The following RMDN2 variants were observed in gnomAD, a reference collection of about 807,000 sequenced individuals.
The protein encoded by RMDN2 is regulator of microtubule dynamics 2.
In RMDN2, 61 loss-of-function variants were observed where a neutral mutation model predicts 52.8. The ratio of observed to expected loss-of-function variants is 1.16; its 90% CI spans 0.94 to 1.43. The LOEUF is 1.43. RMDN2 is among the 40% of genes most tolerant of loss of function. The probability of loss-of-function intolerance (pLI) is 0.00; values close to 1 mark genes in which losing one functional copy is unlikely to be tolerated. For synonymous variants in RMDN2, 180 were observed against 153.1 expected (o/e 1.18, Z -1.30); for missense variants, 592 against 475.3 (o/e 1.25, Z -2.28).
At chr2:37,977,434 A>C (rs1275437863) in intron 4 of RMDN2, among the ~76,000 whole-genome samples, 4 of 129,718 alleles carry the variant, frequency 3.1e-5, no homozygotes, top group Admixed American at 7.8e-5. Context: ...AGGCGCCCCC[A>C]CCTCCCAGAC....
intron 2 of RMDN2, among the ~76,000 whole-genome samples, chr2:37,958,245 A>G (rs1389323209): frequency 1.3e-5 from 2 of 152,170 alleles, no homozygotes; most frequent in Non-Finnish European, 2.9e-5. Flanking sequence ...CAGTATGGCC[A>G]TTTTCACAAT....
chr2:37,956,866 T>C (rs1256344782), intron 2 of RMDN2, among the ~76,000 whole-genome samples: 2 of 152,002 alleles, frequency 1.3e-5, no homozygotes, highest in African/African-American at 4.8e-5. Context: ...CCATGTGTTC[T>C]CATTGTTCAA....
intron 2 of RMDN2, among the ~76,000 whole-genome samples, chr2:37,969,699 C>T (rs1425715019): frequency 6.6e-6 from 1 of 151,930 alleles, no homozygotes; most frequent in African/African-American, 2.4e-5. Flanking sequence ...ACTTCCAGTA[C>T]AATGTTGAAT....
chr2:37,935,547 A>C (rs1272977428), intron 2 of RMDN2, among the ~76,000 whole-genome samples: 1 of 152,212 alleles, frequency 6.6e-6, no homozygotes, highest in East Asian at 1.9e-4. Context: ...AAAAAATGAA[A>C]CATCACGTAT....
intron 1 of RMDN2, among the ~76,000 whole-genome samples, chr2:37,927,071 C>G (rs1156686540): frequency 6.6e-6 from 1 of 152,190 alleles, no homozygotes; most frequent in Non-Finnish European, 1.5e-5. Flanking sequence ...TTGTTTTATG[C>G]TGTTATAAAA....
At chr2:38,067,046 C>A in exon 11 of RMDN2, 6 of 1,574,938 alleles carry the variant, frequency 3.8e-6, no homozygotes, top group Non-Finnish European at 5.2e-6. Context: ...GAGTGTGGCA[C>A]AGTGAAGGCC....
At chr2:38,060,319 G>C (rs1449882998) in intron 10 of RMDN2, among the ~76,000 whole-genome samples, 1 of 152,066 alleles carries the variant, frequency 6.6e-6, no homozygotes, top group Non-Finnish European at 1.5e-5. Flanking sequence ...CAAAACAAGA[G>C]AGCAGGCAGG....
chr2:37,932,475 C>G (rs1326845550), intron 2 of RMDN2, among the ~76,000 whole-genome samples: 1 of 150,592 alleles, frequency 6.6e-6, no homozygotes, highest in Non-Finnish European at 1.5e-5. Flanking sequence ...TCTACACAGA[C>G]ACGGCAACCA....
rs1169475636 is a variant in RMDN2, at chr2:38,015,133, C to G, written c.1180-2053C>G. ...GCTCTGAGCTCCCGAATGTGGTAAC[C>G]CCAACCCCAGTATCATCGTGGTCTC... On this transcript the variant is annotated intron_variant, in intron 10 of 10. Coordinates refer to ENST00000354545, the MANE Select transcript of RMDN2 (RefSeq NM_001170791.3). Among the ~76,000 whole-genome samples the G allele has an allele frequency of 2.0e-5, 3 of 152,140 alleles. No homozygotes were observed. The East Asian group carries it at 5.8e-4, about 29-fold the overall frequency.
At chr2:37,925,927 G>A (rs1228090094) in intron 1 of RMDN2, among the ~76,000 whole-genome samples, 1 of 152,206 alleles carries the variant, frequency 6.6e-6, no homozygotes, top group African/African-American at 2.4e-5. Flanking sequence ...ATAGGGGAAT[G>A]AGGCAAACAC....
At chr2:38,003,321 G>C (rs1029898592) in intron 8 of RMDN2, among the ~76,000 whole-genome samples, 2 of 152,144 alleles carry the variant, frequency 1.3e-5, no homozygotes, top group African/African-American at 4.8e-5. Context: ...GGGAGGTCGA[G>C]GAGGGTGGAT....
At chr2:38,015,261 C>A (rs1017132023) in intron 10 of RMDN2, among the ~76,000 whole-genome samples, 1 of 152,132 alleles carries the variant, frequency 6.6e-6, no homozygotes, top group Non-Finnish European at 1.5e-5. Context: ...CTTGACAGTA[C>A]AACGATAGGA....
chr2:38,035,784 T>A (rs753637070), intron 10 of RMDN2: 2 of 152,138 alleles, frequency 1.3e-5, no homozygotes, highest in Non-Finnish European at 2.9e-5. Context: ...CATCTTCAAC[T>A]TAGTTTTCTC....
At chr2:38,030,292 G>A (rs921877093) in intron 10 of RMDN2, 8 of 152,094 alleles carry the variant, frequency 5.3e-5, no homozygotes, top group Non-Finnish European at 1.0e-4. Flanking sequence ...CACATATGAA[G>A]GTTAATCATT....
intron 10 of RMDN2, among the ~76,000 whole-genome samples, chr2:38,049,326 C>T (rs1245309758): frequency 6.6e-6 from 1 of 152,136 alleles, no homozygotes; most frequent in Non-Finnish European, 1.5e-5. Context: ...ATCAGCAAAG[C>T]TCTCACAGTG....
At chr2:38,047,229 A>T (rs940563834) in intron 10 of RMDN2, among the ~76,000 whole-genome samples, 7 of 152,246 alleles carry the variant, frequency 4.6e-5, no homozygotes, top group African/African-American at 1.7e-4. Context: ...TAACTTAAAT[A>T]CACATGAAGA....
chr2:37,951,572 C>G (rs1572762545), intron 2 of RMDN2: 2 of 1,612,978 alleles, frequency 1.2e-6, no homozygotes, highest in African/African-American at 1.3e-5. Flanking sequence ...ATTGTGGTAG[C>G]TTTATTTCCC....
At chr2:38,005,701 G>T (rs1303896750) in intron 10 of RMDN2, among the ~76,000 whole-genome samples, 1 of 152,138 alleles carries the variant, frequency 6.6e-6, no homozygotes, top group Non-Finnish European at 1.5e-5. Flanking sequence ...AAGCTCTTTA[G>T]TTTCATTAGA....
chr2:38,030,471 C>A (rs1055673871), intron 10 of RMDN2: 15 of 152,112 alleles, frequency 9.9e-5, no homozygotes, highest in African/African-American at 3.1e-4. Flanking sequence ...TCATTCTTAA[C>A]AACCTGTTAA....
Sources: allele counts gnomAD v4.1 joint callset (sites outside exome capture counted in the v4.1 genomes callset), GRCh38; gene constraint gnomAD v4.1.1; transcripts MANE v1.5; gene names NCBI Gene and HGNC (gene_info 2026-07-23, HGNC 2026-07-21).